The following ATRX variants were observed in gnomAD, a reference collection of about 807,000 sequenced individuals.
The protein encoded by ATRX is ATRX chromatin remodeler.
In ATRX, 12 loss-of-function variants were observed where a neutral mutation model predicts 172.6. That is an observed-to-expected ratio of 0.07 (90% CI 0.04 to 0.11). ATRX has a LOEUF of 0.11. Among genes scored for constraint, ATRX ranks in the 10% least tolerant of loss-of-function variants. The probability of loss-of-function intolerance (pLI) is 1.00; values close to 1 mark genes in which losing one functional copy is unlikely to be tolerated. For synonymous variants in ATRX, 674 were observed against 594.7 expected (o/e 1.13, Z -1.94); for missense variants, 1,368 against 1,767.4 (o/e 0.77, Z 4.05).
At chrX:77,702,913 G>A (rs1200219629) in intron 2 of ATRX, among the ~76,000 whole-genome samples, 1 of 111,411 alleles carries the variant, frequency 9.0e-6, no homozygotes, top group African/African-American at 3.3e-5. Context: ...GTTTTGTAGA[G>A]ATGGGTTCTG....
intron 28 of ATRX, among the ~76,000 whole-genome samples, chrX:77,572,145 T>C (rs1262861220): frequency 9.0e-6 from 1 of 111,222 alleles, no homozygotes; most frequent in East Asian, 2.8e-4. Flanking sequence ...ATTTCATGTG[T>C]ATGGGTTCAG....
At chrX:77,780,916 G>C (rs1364283268) in intron 1 of ATRX, among the ~76,000 whole-genome samples, 4 of 110,545 alleles carry the variant, frequency 3.6e-5, no homozygotes, top group African/African-American at 1.3e-4. Flanking sequence ...ACTACAGCTT[G>C]GGTGACAGTG....
intron 15 of ATRX, among the ~76,000 whole-genome samples, chrX:77,651,217 C>CAAA (rs1170232589): frequency 0.071 from 1,175 of 16,466 alleles, 338 homozygotes; most frequent in East Asian, 0.1. Context: ...AACTCCATCT[C>CAAA]AAAAAAAAAA....
At chrX:77,662,862 A>T (rs2069997553) in intron 12 of ATRX, among the ~76,000 whole-genome samples, 1 of 104,872 alleles carries the variant, frequency 9.5e-6, no homozygotes, top group East Asian at 3.0e-4. Context: ...AACCCAGCTA[A>T]TTTCTTATAT....
chrX:77,708,105 T>A (rs1422369335), intron 2 of ATRX, among the ~76,000 whole-genome samples: 1 of 112,023 alleles, frequency 8.9e-6, no homozygotes, highest in African/African-American at 3.2e-5. Flanking sequence ...CAAAAATATA[T>A]GGCTACACAC....
chrX:77,613,480 T>C (rs2067241354), intron 22 of ATRX, among the ~76,000 whole-genome samples: 1 of 112,201 alleles, frequency 8.9e-6, no homozygotes, highest in Admixed American at 9.5e-5. Flanking sequence ...TTACATACAG[T>C]TGACCCTTGC....
chrX:77,724,841 T>G (rs1364202043), intron 1 of ATRX, among the ~76,000 whole-genome samples: 1 of 111,796 alleles, frequency 8.9e-6, no homozygotes, highest in African/African-American at 3.2e-5. Context: ...TCTACATCAT[T>G]TCTAGAGTCA....
chrX:77,765,730 T>C (rs970028459), intron 1 of ATRX, among the ~76,000 whole-genome samples: 26 of 108,191 alleles, frequency 2.4e-4, no homozygotes, highest in Non-Finnish European at 4.8e-4. Context: ...TCTTGGGTGT[T>C]TCTCGCAGAG....
chrX:77,646,379 T>C (rs1331379508), intron 15 of ATRX, among the ~76,000 whole-genome samples: 1 of 111,564 alleles, frequency 9.0e-6, no homozygotes. Context: ...TAGGATATTA[T>C]GTATTGATAA....
intron 15 of ATRX, among the ~76,000 whole-genome samples, chrX:77,645,056 T>C (rs2068842652): frequency 9.0e-6 from 1 of 111,652 alleles, no homozygotes; most frequent in African/African-American, 3.3e-5. Context: ...CATCACCTAA[T>C]TTCTCATCAA....
Position 77,682,306 on chromosome X carries a change from G to C in ATRX, c.2950C>G (p.Gln984Glu), listed in dbSNP as rs1557138534. ...SDETSEDDKK[Q>E]SKKGTEEKKK... ...TTTTCTTCAGTTCCCTTTTTGCTCT[G>C]CTTTTTATCATCTTCAGAAGTTTCA... Residue 984 changes from glutamine to glutamate, a missense_variant, in exon 9 of 35, where the codon CAG becomes GAG. Transcript: ENST00000373344. 4 of 1,200,573 alleles carry C rather than the reference G, an allele frequency of 3.3e-6. No individual in the cohort carries two copies. The highest frequency in any genetic ancestry group is 4.5e-6 in the Non-Finnish European group (4 of 892,275).
chrX:77,666,884 T>C (rs1320401904), intron 10 of ATRX, among the ~76,000 whole-genome samples: 1 of 111,928 alleles, frequency 8.9e-6, no homozygotes, highest in African/African-American at 3.2e-5. Context: ...TGTATGTTTA[T>C]TATAATGTTG....
At chrX:77,716,373 A>C (rs1374836718) in intron 2 of ATRX, among the ~76,000 whole-genome samples, 3 of 94,872 alleles carry the variant, frequency 3.2e-5, no homozygotes, top group Admixed American at 2.4e-4. Context: ...AGAGACAGGG[A>C]GGTAGAGAGG....
chrX:77,676,844 G>A (rs2070893704), intron 9 of ATRX, among the ~76,000 whole-genome samples: 2 of 112,193 alleles, frequency 1.8e-5, no homozygotes, highest in Admixed American at 1.9e-4. Flanking sequence ...AAAGAGGGCC[G>A]GGTGAGGTGG....
At chrX:77,714,508 T>C (rs2073275344) in intron 2 of ATRX, among the ~76,000 whole-genome samples, 1 of 112,064 alleles carries the variant, frequency 8.9e-6, no homozygotes, top group Non-Finnish European at 1.9e-5. Flanking sequence ...TACAATGGAA[T>C]AAATCATAAC....
chrX:77,719,373 G>C (rs1172007804), intron 1 of ATRX, among the ~76,000 whole-genome samples: 1 of 110,878 alleles, frequency 9.0e-6, no homozygotes, highest in Non-Finnish European at 1.9e-5. Flanking sequence ...GTCATATCAG[G>C]GAAATGCAAA....
In ATRX at chrX:77,663,637, T is replaced by C. The variant is rs1242242734; in HGVS notation, c.3944-79A>G. 5 of 848,667 alleles carry C rather than the reference T, an allele frequency of 5.9e-6. No individual in the cohort carries two copies. In the Admixed American group the frequency reaches 1.4e-4, roughly 24 times the overall value. The allele number at this position is 848,667 out of a possible 1,213,427, so 69.9% of individuals were successfully genotyped here. Reference sequence around the variant, plus strand: ...TATATCTATTTTGCCTGTTGACAACTACTGCAACTTATGAAAAAAATCAGA... The same window carrying C: ...TATATCTATTTTGCCTGTTGACAACCACTGCAACTTATGAAAAAAATCAGA... On this transcript the variant is annotated intron_variant, in intron 11 of 34. Coordinates refer to ENST00000373344, the MANE Select transcript of ATRX (RefSeq NM_000489.6).
intron 1 of ATRX, among the ~76,000 whole-genome samples, chrX:77,749,261 G>A (rs2148872939): frequency 9.0e-6 from 1 of 111,011 alleles, no homozygotes; most frequent in East Asian, 2.8e-4. Flanking sequence ...CATCCATGTT[G>A]CTGCAAAAGA....
intron 30 of ATRX, among the ~76,000 whole-genome samples, chrX:77,531,907 T>C (rs1410605542): frequency 8.9e-6 from 1 of 112,226 alleles, no homozygotes; most frequent in African/African-American, 3.2e-5. Context: ...CAAAAGCTTC[T>C]TAAGCTGATA....
Sources: gnomAD v4.1 joint callset for allele counts (sites outside exome capture counted in the v4.1 genomes callset) on GRCh38, gnomAD v4.1.1 for gene constraint, MANE v1.5 for transcripts, NCBI Gene and HGNC (gene_info 2026-07-23, HGNC 2026-07-21) for gene names.